Variants in ADAP1 observed in about 807,000 individuals in gnomAD.
The protein encoded by ADAP1 is ArfGAP with dual PH domains 1, also known as arf-GAP with dual PH domain-containing protein 1.
A neutral mutation model predicts 54.9 loss-of-function variants in ADAP1; 31 were observed. The ratio of observed to expected loss-of-function variants is 0.56; its 90% CI spans 0.42 to 0.76. The LOEUF is 0.76. ADAP1 is among the 30% of genes least tolerant of loss of function. ADAP1 has a pLI of 0.00. For synonymous variants in ADAP1, 313 were observed against 202.6 expected, an observed-to-expected ratio of 1.55 and a Z score of -4.63; for missense variants, 535 against 512.4, an observed-to-expected ratio of 1.04 and a Z score of -0.42.
chr7:910,350 A>G lies in ADAP1; in HGVS notation c.389-5178T>C, dbSNP rs59553035. ...CTGCAGCCTTGACCTTCCGGGCTCA[A>G]GTGATCCTCCAGCCTTGGCCTCCCG... On this transcript the variant is annotated intron_variant, in intron 4 of 10. Transcript: ENST00000265846. Among the ~76,000 whole-genome samples, 1,295 of 152,106 alleles carry G rather than the reference A, an allele frequency of 8.5e-3. 22 individuals are homozygous for G. The highest frequency in any genetic ancestry group is 0.029 in the African/African-American group (1,205 of 41,472).
At chr7:921,820 C>T (rs554208924) in intron 3 of ADAP1, among the ~76,000 whole-genome samples, 3 of 152,322 alleles carry the variant, frequency 2.0e-5, no homozygotes, top group Non-Finnish European at 4.4e-5. Context: ...GTGTGGAAGC[C>T]GGGGGCCTGT....
chr7:935,667 CA>C (rs947553734), intron 1 of ADAP1, among the ~76,000 whole-genome samples, 162 bp from the exon 2 acceptor site: 4 of 116,550 alleles, frequency 3.4e-5, no homozygotes, highest in African/African-American at 1.3e-4. Flanking sequence ...CACCTAACCC[CA>C]GCTCCCCCCC....
At chr7:900,472 G>T (rs186146664) in intron 7 of ADAP1, 61 bp downstream of exon 7, 19 of 1,496,878 alleles carry the variant, frequency 1.3e-5, no homozygotes, top group South Asian at 4.8e-5. Flanking sequence ...CGAGGGCTCC[G>T]TCCACCCCCC....
chr7:928,051 CAA>C (rs5881886), intron 2 of ADAP1, among the ~76,000 whole-genome samples: 31,114 of 104,276 alleles, frequency 0.3, 3,591 homozygotes, highest in African/African-American at 0.36. Context: ...CCCTGTCTCT[CAA>C]AAAAAAAAAA....
Position 926,735 on chromosome 7 carries a change from C to A in ADAP1, c.214-91G>T. The A allele has an allele frequency of 1.9e-6, 2 of 1,064,958 alleles. No individual in the cohort carries two copies. Among genetic ancestry groups the A allele is most frequent in the East Asian group, 2.9e-5 (1 of 34,146 alleles). The allele number at this position is 1,064,958 out of a possible 1,614,324, so 66.0% of individuals were successfully genotyped here. A position where few individuals can be genotyped will look rare whatever the true frequency, so the allele number is the denominator to read the frequency against. On this transcript the variant is annotated intron_variant, in intron 2 of 10. Transcript: ENST00000265846. The surrounding 1 kb of genome is among the most constrained non-coding windows in gnomAD (Gnocchi z 4.6). ...GCCCTTGGGGCCGTCACCACAGTGA[C>A]CCGCAGACCCAAGGCTCTGAGGGCT...
At chr7:924,793 G>T (rs1846326994) in intron 3 of ADAP1, among the ~76,000 whole-genome samples, 1 of 151,984 alleles carries the variant, frequency 6.6e-6, no homozygotes, top group Admixed American at 6.6e-5. Flanking sequence ...GGAGTGGGAG[G>T]AACTTGGAGA....
At chr7:915,578 T>C (rs1845900716) in intron 4 of ADAP1, among the ~76,000 whole-genome samples, 1 of 152,178 alleles carries the variant, frequency 6.6e-6, no homozygotes, top group Non-Finnish European at 1.5e-5. Context: ...GGCCTCTCCC[T>C]CCCTCCAACC....
In ADAP1 at chr7:928,747, G is replaced by A. The variant is rs79246189; in HGVS notation, c.214-2103C>T. 6.7e-3 allele frequency among the ~76,000 whole-genome samples: 1,022 copies of A among 152,350 alleles called. 13 individuals carry two copies. Among genetic ancestry groups the A allele is most frequent in the Admixed American group, 0.025 (383 of 15,308 alleles). On this transcript the variant is annotated intron_variant, in intron 2 of 10. Transcript: ENST00000265846. Reference sequence around the variant, plus strand: ...TGTGGAGTGATCAGAGCCCCCGCACGCTGCTGGTGGGAACCTCCGGCTCTG... The same window carrying A: ...TGTGGAGTGATCAGAGCCCCCGCACACTGCTGGTGGGAACCTCCGGCTCTG...
chr7:952,578 C>T (rs921411543), intron 1 of ADAP1, among the ~76,000 whole-genome samples: 2 of 152,160 alleles, frequency 1.3e-5, no homozygotes, highest in South Asian at 2.1e-4. Flanking sequence ...CTCCTGACAC[C>T]GCCTGTTCCA....
intron 1 of ADAP1, among the ~76,000 whole-genome samples, chr7:954,000 A>C (rs1000249919): frequency 6.6e-6 from 1 of 152,180 alleles, no homozygotes; most frequent in African/African-American, 2.4e-5. Flanking sequence ...CCCACAGCCC[A>C]GCAGAGACCT....
In ADAP1 at chr7:926,360, G is replaced by GCGCCCTCCA. The variant is rs1368110845; in HGVS notation, c.305+192_305+193insTGGAGGGCG. 6.7e-6 allele frequency among the ~76,000 whole-genome samples: 1 copy of GCGCCCTCCA among 150,344 alleles called. No individual in the cohort carries two copies. Among genetic ancestry groups the GCGCCCTCCA allele is most frequent in the African/African-American group, 2.4e-5 (1 of 40,962 alleles). On this transcript the variant is annotated intron_variant, in intron 3 of 10. Coordinates refer to ENST00000265846, the MANE Select transcript of ADAP1 (RefSeq NM_006869.4). The surrounding 1 kb of genome is among the most constrained non-coding windows in gnomAD (Gnocchi z 4.6). ...TCCCAGCCCCACCCCAGCGCCCCCC[G>GCGCCCTCCA]CCCCAGAACCAAAGCCCGGTGGTGG...
At chr7:939,608 A>T (rs886885580) in intron 1 of ADAP1, among the ~76,000 whole-genome samples, 19 of 151,632 alleles carry the variant, frequency 1.3e-4, no homozygotes, top group African/African-American at 4.4e-4. Flanking sequence ...AGGCGGGTGG[A>T]TCACCTGAGG....
chr7:932,957 C>A (rs984272656), intron 2 of ADAP1, among the ~76,000 whole-genome samples: 3 of 152,162 alleles, frequency 2.0e-5, no homozygotes, highest in Non-Finnish European at 4.4e-5. Flanking sequence ...AAGGTGCAAT[C>A]ACAACTCACT....
chr7:933,280 A>AG, intron 2 of ADAP1, among the ~76,000 whole-genome samples: 1 of 151,852 alleles, frequency 6.6e-6, no homozygotes, highest in East Asian at 2.0e-4. Context: ...CAAAAAAAAA[A>AG]AAGAATTCCT....
chr7:905,823 AGGG>A, intron 4 of ADAP1, among the ~76,000 whole-genome samples: 1 of 39,726 alleles, frequency 2.5e-5, no homozygotes, highest in Non-Finnish European at 6.8e-5. Flanking sequence ...AGAAGGGAGA[AGGG>A]AGAAGGGAGA....
At chr7:927,643 A>G (rs1846433662) in intron 2 of ADAP1, 1 of 363,372 alleles carries the variant, frequency 2.8e-6, no homozygotes, top group African/African-American at 2.2e-5. Flanking sequence ...TTAAAATTCG[A>G]AAACCAATGG....
intron 1 of ADAP1, among the ~76,000 whole-genome samples, chr7:952,153 G>A (rs1288052169): frequency 6.6e-6 from 1 of 152,104 alleles, no homozygotes; most frequent in Non-Finnish European, 1.5e-5. Flanking sequence ...GCCGGGCGAG[G>A]CCCCCTGTTC....
At chr7:949,828 C>T (rs1562939161) in intron 1 of ADAP1, among the ~76,000 whole-genome samples, 4 of 152,248 alleles carry the variant, frequency 2.6e-5, no homozygotes, top group Non-Finnish European at 5.9e-5. Context: ...GAAGCGGGCA[C>T]GTGTGACCTG....
intron 2 of ADAP1, 68 bp downstream of exon 2, chr7:935,305 CTG>C (rs1846717050): frequency 2.6e-6 from 4 of 1,522,412 alleles, no homozygotes; most frequent in Non-Finnish European, 3.5e-6. Flanking sequence ...CCCGGCATCT[CTG>C]GCTCCAGAGG....
Sources: allele counts gnomAD v4.1 joint callset (sites outside exome capture counted in the v4.1 genomes callset), GRCh38; gene constraint gnomAD v4.1.1; non-coding constraint Gnocchi (gnomAD v3.1); transcripts MANE v1.5; gene names NCBI Gene and HGNC (gene_info 2026-07-23, HGNC 2026-07-21).